The following CDH17 variants were observed in gnomAD, a reference collection of about 807,000 sequenced individuals.
CDH17 encodes the protein cadherin 17.
CDH17 carries 67 observed loss-of-function variants against 86.3 expected under a neutral mutation model. The ratio of observed to expected loss-of-function variants is 0.78; its 90% CI spans 0.64 to 0.95. The LOEUF (loss-of-function observed/expected upper bound fraction) is 0.95, where lower values mean the gene tolerates loss of function less well. Among genes scored for constraint, CDH17 ranks in the 40% least tolerant of loss-of-function variants. The pLI is 0.00. For missense variants in CDH17, 993 were observed against 1,017.6 expected, an observed-to-expected ratio of 0.98 and a Z score of 0.33; for synonymous variants, 367 against 366.4, an observed-to-expected ratio of 1.00 and a Z score of -0.02.
chr8:94,172,339 T>G (rs1165039035), intron 7 of CDH17, among the ~76,000 whole-genome samples: 1 of 151,890 alleles, frequency 6.6e-6, no homozygotes, highest in African/African-American at 2.4e-5. Flanking sequence ...CTCCTGAAGT[T>G]GAAGTTCATT....
chr8:94,209,605 G>T (rs979670943), upstream of CDH17, among the ~76,000 whole-genome samples: 1 of 152,170 alleles, frequency 6.6e-6, no homozygotes, highest in African/African-American at 2.4e-5. Context: ...AAACCATCTA[G>T]TTGCATGCCA....
intron 3 of CDH17, among the ~76,000 whole-genome samples, chr8:94,178,817 TTG>T (rs1307987193): frequency 6.6e-6 from 1 of 152,092 alleles, no homozygotes; most frequent in African/African-American, 2.4e-5. Context: ...TAAAAAGTTT[TTG>T]TGCATGTTTG....
intron 17 of CDH17, 51 bp downstream of exon 17, chr8:94,130,575 A>G (rs1426099587): frequency 7.8e-7 from 1 of 1,276,426 alleles, no homozygotes; most frequent in Non-Finnish European, 1.1e-6. Flanking sequence ...AGATGAGCTC[A>G]CATTTCTGAG....
chr8:94,207,110 C>CTA (rs1219892999), intron 1 of CDH17, among the ~76,000 whole-genome samples: 1 of 152,080 alleles, frequency 6.6e-6, no homozygotes, highest in East Asian at 1.9e-4. Flanking sequence ...CTTTAAAATG[C>CTA]TATATATATA....
At chr8:94,214,934 T>C (rs1174826346) in intron 1 of CDH17, among the ~76,000 whole-genome samples, 1 of 152,178 alleles carries the variant, frequency 6.6e-6, no homozygotes, top group African/African-American at 2.4e-5. Flanking sequence ...TGGCATTTCA[T>C]ACCCACCAGG....
chr8:94,216,289 C>T (rs1173335342), intron 1 of CDH17, among the ~76,000 whole-genome samples: 1 of 152,224 alleles, frequency 6.6e-6, no homozygotes, highest in Non-Finnish European at 1.5e-5. Context: ...AAGCTCACAT[C>T]TGCAATCTGT....
At position 94,130,752 on chromosome 8, in the gene CDH17, A is replaced by G. The variant is rs184072714; in HGVS notation, c.2285-13T>C. 1,036 of 1,603,758 alleles carry G rather than the reference A, an allele frequency of 6.5e-4. 17 individuals carry two copies. In the East Asian group the frequency reaches 0.016, roughly 25 times the overall value. On this transcript the variant is annotated splice_polypyrimidine_tract_variant and intron_variant, in intron 16 of 17. Coordinates refer to ENST00000027335, the MANE Select transcript of CDH17 (RefSeq NM_004063.4). ...CTGCAGAATGTAACTGAAAAGCAGG[A>G]CAGTATTTGGTAGGATAAATTCTCA...
intron 1 of CDH17, among the ~76,000 whole-genome samples, chr8:94,196,723 C>T (rs758062274): frequency 2.0e-5 from 3 of 152,166 alleles, no homozygotes; most frequent in African/African-American, 7.2e-5. Flanking sequence ...CCTGTAGAAT[C>T]CAGCTGCAGA....
intron 3 of CDH17, among the ~76,000 whole-genome samples, chr8:94,184,579 A>T (rs1317512024): frequency 2.0e-5 from 3 of 152,148 alleles, no homozygotes; most frequent in Non-Finnish European, 4.4e-5. Context: ...AGGGGAGTGG[A>T]GGCTGGAGAG....
rs781435338 is a variant in CDH17 at position 94,145,909 on chromosome 8, T to C, written c.2167+19A>G. On this transcript the variant is annotated intron_variant, in intron 15 of 17. Transcript: ENST00000027335. ...CATCATCCATCTATGTTTTTTTCCATGTATTTCTGACAACTCACCATTGAT... is the reference window on the plus strand; with the variant it reads ...CATCATCCATCTATGTTTTTTTCCACGTATTTCTGACAACTCACCATTGAT... The C allele has an allele frequency of 1.4e-5, 23 of 1,606,162 alleles. No homozygotes were observed. In the Admixed American group the frequency reaches 3.6e-4, roughly 25 times the overall value.
chr8:94,151,400 A>G (rs943748219), intron 13 of CDH17, among the ~76,000 whole-genome samples: 1 of 152,162 alleles, frequency 6.6e-6, no homozygotes, highest in Non-Finnish European at 1.5e-5. Context: ...GAGCCAAGGA[A>G]CCTATGTATC....
At chr8:94,155,591 G>T (rs920164044) in intron 12 of CDH17, among the ~76,000 whole-genome samples, 3 of 152,132 alleles carry the variant, frequency 2.0e-5, no homozygotes, top group Admixed American at 2.0e-4. Flanking sequence ...AAAGAAATGA[G>T]ACACTGTGTG....
intron 15 of CDH17, among the ~76,000 whole-genome samples, chr8:94,136,223 C>T (rs1412974246): frequency 2.6e-5 from 4 of 152,192 alleles, no homozygotes; most frequent in Non-Finnish European, 4.4e-5. Context: ...TGGGGAAGTT[C>T]TCCTGGATAA....
At chr8:94,213,445 G>A (rs1042452509), upstream of CDH17, among the ~76,000 whole-genome samples, 1 of 152,232 alleles carries the variant, frequency 6.6e-6, no homozygotes, top group Non-Finnish European at 1.5e-5. Context: ...AGATAATGAT[G>A]CAGTCGGTCT....
chr8:94,130,741 T>C lies in CDH17; in HGVS notation c.2285-2A>G, dbSNP rs757522033. 1.2e-6 allele frequency: 2 copies of C among 1,610,108 alleles called. No homozygotes were observed. Among genetic ancestry groups the C allele is most frequent in the Non-Finnish European group, 1.7e-6 (2 of 1,176,336 alleles). ...CTTCCACACAACTGCAGAATGTAACTGAAAAGCAGGACAGTATTTGGTAGG... is the reference window on the plus strand; with the variant it reads ...CTTCCACACAACTGCAGAATGTAACCGAAAAGCAGGACAGTATTTGGTAGG... On this transcript the variant is annotated splice_acceptor_variant, in intron 16 of 17. Transcript: ENST00000027335. LOFTEE classifies it high-confidence loss of function.
At chr8:94,169,967 G>A (rs1480428026) in intron 9 of CDH17, among the ~76,000 whole-genome samples, 1 of 152,162 alleles carries the variant, frequency 6.6e-6, no homozygotes, top group African/African-American at 2.4e-5. Flanking sequence ...ACTTATTGCA[G>A]GGTGTCTGTC....
At chr8:94,192,200 T>C (rs1331575581) in intron 2 of CDH17, among the ~76,000 whole-genome samples, 1 of 152,114 alleles carries the variant, frequency 6.6e-6, no homozygotes, top group Non-Finnish European at 1.5e-5. Context: ...TAAACATGAC[T>C]ATTGGGGCTA....
At chr8:94,128,521 G>A (rs1812347438) in intron 17 of CDH17, among the ~76,000 whole-genome samples, 181 bp from the exon 18 acceptor site, 1 of 152,128 alleles carries the variant, frequency 6.6e-6, no homozygotes, top group African/African-American at 2.4e-5. Flanking sequence ...TTGGAGAAAT[G>A]AGCTTATCAT....
At chr8:94,191,347 G>A (rs1813685946) in intron 2 of CDH17, among the ~76,000 whole-genome samples, 1 of 151,804 alleles carries the variant, frequency 6.6e-6, no homozygotes, top group Non-Finnish European at 1.5e-5. Flanking sequence ...GCCCTGGATT[G>A]CCTACTTCAG....
Sources: gnomAD v4.1 joint callset for allele counts (sites outside exome capture counted in the v4.1 genomes callset) on GRCh38, gnomAD v4.1.1 for gene constraint, MANE v1.5 for transcripts, NCBI Gene and HGNC (gene_info 2026-07-23, HGNC 2026-07-21) for gene names.